CR1: variants seen among roughly 807,000 people sequenced by gnomAD.
CR1 encodes the protein complement C3b/C4b receptor 1 (Knops blood group), also known as complement receptor type 1.
CR1 carries 116 observed loss-of-function variants against 187.3 expected under a neutral mutation model. The ratio of observed to expected loss-of-function variants is 0.62; its 90% confidence interval spans 0.53 to 0.72. CR1 has a LOEUF of 0.72. Ranked by LOEUF, CR1 falls within the 30% of genes least tolerant of loss-of-function variation. The probability of loss-of-function intolerance (pLI) is 0.00; values close to 1 mark genes in which losing one functional copy is unlikely to be tolerated. For missense variants in CR1, 1,731 were observed against 2,110.7 expected (o/e 0.82, Z 3.52); for synonymous variants, 576 against 747.1 (o/e 0.77, Z 3.73).
At chr1:207,580,044 T>C (rs1210342437) in intron 29 of CR1, among the ~76,000 whole-genome samples, 196 bp from the exon 30 acceptor site, 2 of 152,214 alleles carry the variant, frequency 1.3e-5, no homozygotes, top group African/African-American at 2.4e-5. Flanking sequence ...AATCCACCAA[T>C]ACTGATAACT....
intron 4 of CR1, among the ~76,000 whole-genome samples, chr1:207,522,455 G>C (rs1283183445): frequency 6.6e-6 from 1 of 152,192 alleles, no homozygotes; most frequent in East Asian, 1.9e-4. Flanking sequence ...TTAACTTCAT[G>C]AGAAAATCAA....
chr1:207,506,649 T>A (rs1336356862), intron 2 of CR1, 65 bp from the exon 3 acceptor site: 2 of 1,330,826 alleles, frequency 1.5e-6, no homozygotes, highest in Non-Finnish European at 2.2e-6. Context: ...GGTTGAGACC[T>A]TATGTACTAA....
At chr1:207,601,432 C>T (rs1661601637) in intron 35 of CR1, among the ~76,000 whole-genome samples, 1 of 152,056 alleles carries the variant, frequency 6.6e-6, no homozygotes, top group Non-Finnish European at 1.5e-5. Flanking sequence ...TAGGTATATA[C>T]CCAGAAGTGG....
intron 46 of CR1, among the ~76,000 whole-genome samples, chr1:207,632,696 G>A (rs898548591): frequency 1.3e-5 from 2 of 151,410 alleles, no homozygotes; most frequent in Admixed American, 6.6e-5. Context: ...TACTCGGGAG[G>A]CTGAGGCAGG....
chr1:207,579,081 T>C (rs1660855761), intron 29 of CR1, among the ~76,000 whole-genome samples: 1 of 152,190 alleles, frequency 6.6e-6, no homozygotes, highest in South Asian at 2.1e-4. Context: ...ATAGATTAGG[T>C]TGATGTTAAA....
At position 207,581,962 on chromosome 1, in the gene CR1, G is replaced by A; in HGVS notation, c.5261G>A (p.Gly1754Glu). The change falls in exon 32 of 47, where the codon GGA becomes GAA. Residue 1754 changes from glycine (G) to glutamate (E), a missense_variant. By Grantham distance (98) the Gly-to-Glu change is moderately conservative. Around this residue, in one of 5 missense-constraint regions of CR1, gnomAD observed 1,312 missense variants for 1,379.6 expected, o/e 0.95. Coordinates refer to ENST00000367049, the MANE Select transcript of CR1 (RefSeq NM_000651.6). Reference sequence around the variant, plus strand: ...TCCGTTAGTCATTGTGTCTTGGTTGGAATGAGAAGCCTTTGGAATAACAGT... The same window carrying A: ...TCCGTTAGTCATTGTGTCTTGGTTGAAATGAGAAGCCTTTGGAATAACAGT... ...GSSVSHCVLV[G>E]MRSLWNNSVP... The A allele has an allele frequency of 6.2e-7, 1 of 1,613,324 alleles. No individual in the cohort carries two copies. The highest frequency in any genetic ancestry group is 1.3e-5 in the African/African-American group (1 of 75,000).
At chr1:207,618,383 T>A in intron 42 of CR1, 136 bp downstream of exon 42, 1 of 775,698 alleles carries the variant, frequency 1.3e-6, no homozygotes. Flanking sequence ...TTTCTTTTCA[T>A]TTACATAAAA....
chr1:207,581,791 C>A, intron 31 of CR1, 127 bp from the exon 32 acceptor site: 1 of 585,444 alleles, frequency 1.7e-6, no homozygotes, highest in East Asian at 3.2e-5. Context: ...AGTGTTTTCA[C>A]CTGTGCTTTA....
chr1:207,605,553 C>G (rs566076072), intron 35 of CR1, among the ~76,000 whole-genome samples: 2 of 152,044 alleles, frequency 1.3e-5, no homozygotes. Flanking sequence ...TAGGCTGGAA[C>G]CTTCTTCACA....
chr1:207,635,058 C>T (rs56311085), intron 46 of CR1, among the ~76,000 whole-genome samples: 12,433 of 152,164 alleles, frequency 0.082, 713 homozygotes, highest in Admixed American at 0.14. Context: ...TACATAGCAG[C>T]CATCACAGAG....
intron 24 of CR1, among the ~76,000 whole-genome samples, chr1:207,567,231 T>C (rs1229139771): frequency 6.7e-6 from 1 of 149,326 alleles, no homozygotes; most frequent in African/African-American, 2.6e-5. Flanking sequence ...GACCTAGACA[T>C]TTTCAAAAGC....
intron 33 of CR1, among the ~76,000 whole-genome samples, chr1:207,586,795 G>A (rs1661123664): frequency 6.6e-6 from 1 of 152,124 alleles, no homozygotes; most frequent in South Asian, 2.1e-4. Flanking sequence ...ACCAGTCATT[G>A]GATTTAGGGC....
At chr1:207,595,893 C>T (rs903154019) in intron 35 of CR1, among the ~76,000 whole-genome samples, 1 of 151,144 alleles carries the variant, frequency 6.6e-6, no homozygotes. Context: ...GAAGAAGAAA[C>T]TTGATATAAA....
chr1:207,512,031 T>C (rs975514573), intron 4 of CR1, among the ~76,000 whole-genome samples: 1 of 130,292 alleles, frequency 7.7e-6, no homozygotes, highest in Admixed American at 7.5e-5. Context: ...ACCTGGACTC[T>C]CATGTACCAC....
chr1:207,520,701 T>G (rs1482658594), intron 4 of CR1, among the ~76,000 whole-genome samples: 1 of 152,228 alleles, frequency 6.6e-6, no homozygotes. Context: ...TGTTTCCTTC[T>G]TATTGCAATT....
intron 46 of CR1, among the ~76,000 whole-genome samples, chr1:207,632,429 T>C (rs1445105419): frequency 2.0e-5 from 3 of 152,188 alleles, no homozygotes; most frequent in Non-Finnish European, 4.4e-5. Flanking sequence ...ATTGTATTAT[T>C]TCAACATGAA....
intron 40 of CR1, among the ~76,000 whole-genome samples, chr1:207,614,728 C>T (rs751042795): frequency 6.6e-6 from 1 of 152,116 alleles, no homozygotes; most frequent in Non-Finnish European, 1.5e-5. Flanking sequence ...GAATGTGTGG[C>T]AAGAAACTAG....
intron 35 of CR1, among the ~76,000 whole-genome samples, chr1:207,598,424 T>TC (rs1019898652): frequency 3.3e-5 from 5 of 151,396 alleles, no homozygotes; most frequent in Non-Finnish European, 7.4e-5. Context: ...ACAAGAACTT[T>TC]TTTTTTTTTC....
intron 3 of CR1, among the ~76,000 whole-genome samples, chr1:207,508,548 A>T (rs574876230): frequency 1.2e-4 from 18 of 152,358 alleles, no homozygotes; most frequent in African/African-American, 4.3e-4. Context: ...AAGTGCAGGT[A>T]AAACAGGAAA....
Sources: gnomAD v4.1 joint callset for allele counts (sites outside exome capture counted in the v4.1 genomes callset) on GRCh38, gnomAD v4.1.1 for gene constraint, gnomAD v4.1.1 regional missense constraint, MANE v1.5 for transcripts, NCBI Gene and HGNC (gene_info 2026-07-23, HGNC 2026-07-21) for gene names.